AK5: variants seen among roughly 807,000 people sequenced by gnomAD.
AK5 encodes adenylate kinase isoenzyme 5.
Under a neutral mutation model 69.5 loss-of-function variants are expected in AK5, and 27 were observed. The observed-to-expected ratio is 0.39, with a 90% confidence interval of 0.29 to 0.54. The LOEUF is 0.54. AK5 is among the 20% of genes least tolerant of loss of function. The pLI is 0.71. For missense variants in AK5, 531 were observed against 700.4 expected (o/e 0.76, Z 2.73); for synonymous variants, 260 against 244.4 (o/e 1.06, Z -0.60).
At chr1:77,467,237 CT>C (rs914816262) in intron 8 of AK5, among the ~76,000 whole-genome samples, 1 of 152,156 alleles carries the variant, frequency 6.6e-6, no homozygotes, top group African/African-American at 2.4e-5. Context: ...GACTTTGGTC[CT>C]TGTGTCATTC....
intron 10 of AK5, among the ~76,000 whole-genome samples, chr1:77,497,024 T>C (rs978720937): frequency 5.9e-5 from 9 of 152,212 alleles, no homozygotes; most frequent in African/African-American, 7.2e-5. Flanking sequence ...TCCCCTTCCA[T>C]GCTGTGGAAG....
intron 8 of AK5, among the ~76,000 whole-genome samples, chr1:77,443,991 A>G (rs922454313): frequency 4.6e-5 from 7 of 151,238 alleles, no homozygotes; most frequent in East Asian, 1.9e-4. Flanking sequence ...TCCTGACTGC[A>G]GTACACTATT....
intron 8 of AK5, among the ~76,000 whole-genome samples, chr1:77,421,219 T>C (rs1000138164): frequency 3.3e-5 from 5 of 152,208 alleles, no homozygotes; most frequent in African/African-American, 1.2e-4. Context: ...GTGTGCTTCA[T>C]ATTTATTACC....
intron 5 of AK5, among the ~76,000 whole-genome samples, chr1:77,319,712 T>A (rs1260762122): frequency 6.6e-6 from 1 of 152,234 alleles, no homozygotes; most frequent in African/African-American, 2.4e-5. Flanking sequence ...GCAGAGACAG[T>A]TATAATTTGG....
chr1:77,373,676 A>G (rs1647164533), intron 6 of AK5, among the ~76,000 whole-genome samples: 1 of 152,018 alleles, frequency 6.6e-6, no homozygotes, highest in Non-Finnish European at 1.5e-5. Flanking sequence ...CAGTGAGCCG[A>G]GATCGTGCCA....
At position 77,500,953 on chromosome 1, in the gene AK5, A is replaced by G. The variant is rs564066143; in HGVS notation, c.1147+14601A>G. On this transcript the variant is annotated intron_variant, in intron 10 of 13. Transcript: ENST00000354567. ...CAGAATTCATGCTTATGAAAACTTCAGAGCCCATACAGCGCAGTGTAGAAT... is the reference window on the plus strand; with the variant it reads ...CAGAATTCATGCTTATGAAAACTTCGGAGCCCATACAGCGCAGTGTAGAAT... 2.0e-5 allele frequency among the ~76,000 whole-genome samples: 3 copies of G among 152,326 alleles called. No homozygotes were observed. In the South Asian group the frequency reaches 6.2e-4, roughly 32 times the overall value.
At chr1:77,477,053 G>T (rs1654989711) in intron 8 of AK5, among the ~76,000 whole-genome samples, 1 of 149,468 alleles carries the variant, frequency 6.7e-6, no homozygotes, top group Admixed American at 6.7e-5. Context: ...TCTGAGACAG[G>T]GTCTCACTCT....
intron 8 of AK5, among the ~76,000 whole-genome samples, chr1:77,470,230 C>T (rs749093201): frequency 3.3e-5 from 5 of 152,146 alleles, no homozygotes; most frequent in Non-Finnish European, 7.3e-5. Context: ...CCTGGCCGGG[C>T]GCAGTGGCTC....
intron 5 of AK5, among the ~76,000 whole-genome samples, chr1:77,326,760 T>C (rs1010863825): frequency 2.6e-5 from 4 of 152,224 alleles, no homozygotes; most frequent in African/African-American, 9.6e-5. Context: ...AAAATCCAGT[T>C]GTCCAAAGTA....
At chr1:77,369,841 C>T (rs926277324) in intron 6 of AK5, among the ~76,000 whole-genome samples, 1 of 152,092 alleles carries the variant, frequency 6.6e-6, no homozygotes, top group African/African-American at 2.4e-5. Context: ...ATAAATTTGT[C>T]ATAAATTATT....
At chr1:77,404,843 A>C (rs542564653) in intron 6 of AK5, among the ~76,000 whole-genome samples, 1 of 152,222 alleles carries the variant, frequency 6.6e-6, no homozygotes, top group African/African-American at 2.4e-5. Flanking sequence ...TAGCTAGTAC[A>C]TAGTAGTTAT....
At position 77,483,378 on chromosome 1, in the gene AK5, TCAGA is replaced by T. The variant is rs1557626057; in HGVS notation, c.1102+20_1102+23del. The stretch of plus-strand genomic sequence containing the variant: ...ATGGGAGGTGAGTTTTCCTTACTGA[TCAGA>T]TCAAAGTTGTCATTTTAGTAACTTT... On this transcript the variant is annotated intron_variant, in intron 9 of 13. Transcript: ENST00000354567. The T allele has an allele frequency of 1.2e-6, 2 of 1,603,384 alleles. No individual in the cohort carries two copies. Among genetic ancestry groups the T allele is most frequent in the Admixed American group, 1.7e-5 (1 of 60,000 alleles).
At chr1:77,461,215 A>G (rs1653816874) in intron 8 of AK5, among the ~76,000 whole-genome samples, 1 of 150,520 alleles carries the variant, frequency 6.6e-6, no homozygotes, top group African/African-American at 2.4e-5. Context: ...TTGTATTTTT[A>G]GTAGAGATGG....
At chr1:77,545,352 T>A (rs1371298876) in intron 13 of AK5, among the ~76,000 whole-genome samples, 5 of 152,216 alleles carry the variant, frequency 3.3e-5, no homozygotes, top group Non-Finnish European at 7.3e-5. Flanking sequence ...GCTGATTTCA[T>A]GCAAATACTC....
At chr1:77,301,441 CA>C (rs1215746906) in intron 5 of AK5, among the ~76,000 whole-genome samples, 1 of 152,246 alleles carries the variant, frequency 6.6e-6, no homozygotes, top group East Asian at 1.9e-4. Context: ...TCCAGCTGGG[CA>C]GCCAGGTGCC....
At chr1:77,371,391 T>A (rs1647120106) in intron 6 of AK5, 1 of 152,196 alleles carries the variant, frequency 6.6e-6, no homozygotes, top group Non-Finnish European at 1.5e-5. Context: ...GATCTCCAGG[T>A]GGAAAGAGTA....
chr1:77,429,118 G>C (rs1286503256), intron 8 of AK5, among the ~76,000 whole-genome samples: 1 of 152,188 alleles, frequency 6.6e-6, no homozygotes, highest in Non-Finnish European at 1.5e-5. Flanking sequence ...TATATACCCA[G>C]TAATGGGATG....
At chr1:77,476,907 T>A (rs2803159) in intron 8 of AK5, among the ~76,000 whole-genome samples, 78,234 of 147,898 alleles carry the variant, frequency 0.53, 20,764 homozygotes, top group Middle Eastern at 0.66. Context: ...GCTGTTTTTT[T>A]AAAAAAAAAA....
At chr1:77,473,200 G>T (rs969965191) in intron 8 of AK5, among the ~76,000 whole-genome samples, 12 of 142,880 alleles carry the variant, frequency 8.4e-5, no homozygotes, top group South Asian at 2.3e-4. Context: ...GCTTCTTGGG[G>T]TTTTTTTTTT....
Sources: allele counts gnomAD v4.1 joint callset (sites outside exome capture counted in the v4.1 genomes callset), GRCh38; gene constraint gnomAD v4.1.1; transcripts MANE v1.5; gene names NCBI Gene and HGNC (gene_info 2026-07-23, HGNC 2026-07-21).